The following TG variants were observed in gnomAD, a reference collection of about 807,000 sequenced individuals.
TG encodes thyroglobulin.
TG carries 270 observed loss-of-function variants against 324.7 expected under a neutral mutation model. The observed-to-expected ratio is 0.83, with a 90% confidence interval of 0.75 to 0.92. The LOEUF (loss-of-function observed/expected upper bound fraction) is 0.92. Ranked by LOEUF, TG falls within the 40% of genes least tolerant of loss-of-function variation. The pLI is 0.00. For synonymous variants in TG, 1,401 were observed against 1,327.0 expected (o/e 1.06, Z -1.21); for missense variants, 3,591 against 3,456.4 (o/e 1.04, Z -0.98).
chr8:133,051,281 A>C (rs1195139134), intron 41 of TG, among the ~76,000 whole-genome samples: 2 of 152,158 alleles, frequency 1.3e-5, no homozygotes, highest in Non-Finnish European at 2.9e-5. Context: ...ACCTCATTCC[A>C]GGGTCCTTAG....
intron 27 of TG, among the ~76,000 whole-genome samples, chr8:132,954,528 C>T (rs1188562298): frequency 6.6e-6 from 1 of 152,148 alleles, no homozygotes; most frequent in Non-Finnish European, 1.5e-5. Context: ...TCAGAATGAC[C>T]CCGCCAGCTA....
chr8:132,957,362 C>G (rs1827038608), intron 27 of TG, among the ~76,000 whole-genome samples: 1 of 152,096 alleles, frequency 6.6e-6, no homozygotes, highest in Non-Finnish European at 1.5e-5. Flanking sequence ...GGCTCTGTTG[C>G]CTTGAGATGG....
At chr8:132,886,347 T>C (rs997569822) in intron 8 of TG, 101 bp from the exon 9 acceptor site, 23 of 1,509,918 alleles carry the variant, frequency 1.5e-5, no homozygotes, top group Non-Finnish European at 2.1e-5. Context: ...TGTCCTTGAT[T>C]GAATGTTCTG....
rs1228637977 is a variant in TG, at chr8:132,895,895, T to G, written c.3002-1754T>G. Among the ~76,000 whole-genome samples, 7 of 152,340 alleles carry G rather than the reference T, an allele frequency of 4.6e-5. 1 individual carries two copies. The highest frequency in any genetic ancestry group is 4.6e-4 in the Admixed American group (7 of 15,310). ...TTCTTCAGAAGTCGAGCTGAGAAGT[T>G]CCTCTCCAAGTAGCCACATGCTCCG... On this transcript the variant is annotated intron_variant, in intron 11 of 47. Coordinates refer to ENST00000220616, the MANE Select transcript of TG (RefSeq NM_003235.5).
rs535811375 is a variant in TG at position 132,945,810 on chromosome 8, A to G, written c.5234-2966A>G. On this transcript the variant is annotated intron_variant, in intron 26 of 47. Coordinates refer to ENST00000220616, the MANE Select transcript of TG (RefSeq NM_003235.5). ...GTGGGAGAGCGTTGCATGGTGAGGA[A>G]GTTGTCAACAGTCTTGAGTGCTGCT... is the stretch of plus-strand genomic sequence containing the variant. 8.9e-4 allele frequency among the ~76,000 whole-genome samples: 135 copies of G among 152,208 alleles called. 1 individual carries two copies. Among genetic ancestry groups the G allele is most frequent in the African/African-American group, 3.0e-3 (123 of 41,528 alleles).
chr8:133,050,150 T>C, intron 41 of TG: 1 of 645,446 alleles, frequency 1.5e-6, no homozygotes, highest in Non-Finnish European at 2.8e-6. Context: ...CTGAAAATTT[T>C]CTTTTTAAAG....
chr8:133,047,893 G>A, intron 41 of TG: 3 of 1,612,806 alleles, frequency 1.9e-6, no homozygotes, highest in Non-Finnish European at 2.5e-6. Context: ...AGCTGCAGCA[G>A]CTCCTCGGCC....
intron 41 of TG, among the ~76,000 whole-genome samples, chr8:133,091,151 ATGTT>A (rs763263851): frequency 1.8e-4 from 27 of 152,202 alleles, no homozygotes; most frequent in Non-Finnish European, 3.5e-4. Context: ...TGCTACTTGA[ATGTT>A]TGTCCTCGTC....
chr8:132,915,150 G>C (rs1352247192), intron 20 of TG, among the ~76,000 whole-genome samples: 2 of 152,190 alleles, frequency 1.3e-5, no homozygotes, highest in Non-Finnish European at 2.9e-5. Context: ...GCAGGAGCCT[G>C]CTTTTCATAG....
intron 41 of TG, among the ~76,000 whole-genome samples, chr8:133,082,182 T>C (rs1173031248): frequency 6.6e-6 from 1 of 152,196 alleles, no homozygotes; most frequent in Non-Finnish European, 1.5e-5. Flanking sequence ...AAGGGAATTT[T>C]TTCAAGGGTG....
rs773361770 is a variant in TG, at chr8:132,887,247, C to T, written c.1875C>T (p.Ser625=). 1 of 1,604,302 alleles carries T rather than the reference C, an allele frequency of 6.2e-7. No homozygotes were observed. The highest frequency in any genetic ancestry group is 1.1e-5 in the South Asian group (1 of 89,634). The change falls in exon 9 of 48, where the codon AGC becomes AGT. Residue 625 remains serine, a synonymous_variant. Transcript: ENST00000220616. ...LFVPSCTTEG[S]YEDVQCFSGE... is the part of the protein sequence containing the mutation. ...TCCCATCATGCACGACAGAAGGAAGCTATGAGGATGTCCAATGCTTTTCCG... is the reference window on the plus strand; with the variant it reads ...TCCCATCATGCACGACAGAAGGAAGTTATGAGGATGTCCAATGCTTTTCCG...
At chr8:132,935,662 C>T (rs1400209554) in intron 24 of TG, 94 bp from the exon 25 acceptor site, 2 of 1,137,210 alleles carry the variant, frequency 1.8e-6, no homozygotes, top group African/African-American at 3.1e-5. Flanking sequence ...CTTTGTAGCC[C>T]TGGTGCCTAG....
intron 19 of TG, among the ~76,000 whole-genome samples, chr8:132,912,814 G>A (rs1341589672): frequency 6.6e-6 from 1 of 152,192 alleles, no homozygotes; most frequent in Admixed American, 6.5e-5. Context: ...GAAATGGCAA[G>A]AGCCAGGAAA....
chr8:133,113,282 G>A lies in TG; in HGVS notation c.7573-140G>A, dbSNP rs1274047706. 1.5e-5 allele frequency: 14 copies of A among 930,238 alleles called. No homozygotes were observed. The East Asian group carries it at 2.3e-4, about 15-fold the overall frequency. The allele number at this position is 930,238 out of a possible 1,614,324, so 57.6% of individuals were successfully genotyped here. ...GAGGCAGAGCTGGGATTCGAACTCA[G>A]ACAGTCTGGCTTCCACTTGTGTTTA... On this transcript the variant is annotated intron_variant, in intron 43 of 47. Transcript: ENST00000220616.
chr8:133,099,229 A>C (rs1848884997), intron 43 of TG, among the ~76,000 whole-genome samples: 1 of 152,206 alleles, frequency 6.6e-6, no homozygotes, highest in Non-Finnish European at 1.5e-5. Flanking sequence ...GACACCAATC[A>C]CAGGGCAGTG....
chr8:133,114,033 G>A (rs537006012), intron 44 of TG, among the ~76,000 whole-genome samples: 9 of 152,182 alleles, frequency 5.9e-5, no homozygotes, highest in South Asian at 2.1e-4. Flanking sequence ...ACACGTGAGC[G>A]CATTTAAAGG....
chr8:132,983,511 C>A lies in TG; in HGVS notation c.6262+99C>A, dbSNP rs1831159339. On this transcript the variant is annotated intron_variant, in intron 35 of 47. Transcript: ENST00000220616. The stretch of plus-strand genomic sequence containing the variant: ...CTTTTGTACAGAAGTTGATAGCTTG[C>A]ATATCACTCGCATTAATTCCAGCTC... 5.1e-6 allele frequency: 6 copies of A among 1,181,614 alleles called. No individual in the cohort carries two copies. The South Asian group carries it at 6.1e-5, about 12-fold the overall frequency. The allele number at this position is 1,181,614 out of a possible 1,614,324, so 73.2% of individuals were successfully genotyped here.
chr8:133,104,439 G>A (rs1422297681), intron 43 of TG, among the ~76,000 whole-genome samples: 1 of 152,178 alleles, frequency 6.6e-6, no homozygotes, highest in Non-Finnish European at 1.5e-5. Flanking sequence ...TCCAGGGGTT[G>A]AGCTAGTAAC....
chr8:132,967,073 A>T (rs892183968), intron 30 of TG, among the ~76,000 whole-genome samples: 14 of 137,318 alleles, frequency 1.0e-4, no homozygotes, highest in African/African-American at 3.7e-4. Context: ...CATCCCATTC[A>T]TCCGTCCATC....
Sources: allele counts gnomAD v4.1 joint callset (sites outside exome capture counted in the v4.1 genomes callset), GRCh38; gene constraint gnomAD v4.1.1; transcripts MANE v1.5; gene names NCBI Gene and HGNC (gene_info 2026-07-23, HGNC 2026-07-21).